The following RNF222 variants were observed in gnomAD, a reference collection of about 807,000 sequenced individuals.
RNF222 encodes the protein RING finger protein LOC643904.
In RNF222, 14 loss-of-function variants were observed where a neutral mutation model predicts 10.8. That is an observed-to-expected ratio of 1.30 (90% CI 0.86 to 2.03). The LOEUF (loss-of-function observed/expected upper bound fraction) is 2.03, where lower values mean the gene tolerates loss of function less well. RNF222 is among the 30% of genes most tolerant of loss of function. The probability of loss-of-function intolerance (pLI) is 0.00; values close to 1 mark genes in which losing one functional copy is unlikely to be tolerated. For missense variants in RNF222, 298 were observed against 295.8 expected (o/e 1.01, Z -0.06); for synonymous variants, 141 against 142.5 (o/e 0.99, Z 0.07).
At position 8,392,975 on chromosome 17, in the gene RNF222, CCTG is replaced by C; in HGVS notation, c.484_486del (p.Gln162del). Reference sequence around the variant, plus strand: ...AGGCTGCGGCGGGGCAGCACGCTGTCCTGCTCCCCCAGGGGCATCCCGTGGCGG... The same window carrying C: ...AGGCTGCGGCGGGGCAGCACGCTGTCCTCCCCCAGGGGCATCCCGTGGCGG... On this transcript the variant is annotated inframe_deletion, in exon 3 of 3. Coordinates refer to ENST00000399398, the MANE Select transcript of RNF222 (RefSeq NM_001146684.3). This position sits in a 1 kb window ranked among gnomAD's most constrained non-coding sequence, Gnocchi z 4.3. 2.0e-6 allele frequency: 3 copies of C among 1,508,362 alleles called. No homozygotes were observed. Among genetic ancestry groups the C allele is most frequent in the Non-Finnish European group, 2.6e-6 (3 of 1,134,604 alleles). 93.4% of individuals were successfully genotyped at this position (1,508,362 alleles called of 1,614,324 possible).
chr17:8,395,125 A>G lies in RNF222; in HGVS notation c.-177-796T>C, dbSNP rs112317192. 7.0e-4 allele frequency among the ~76,000 whole-genome samples: 107 copies of G among 152,340 alleles called. 2 individuals carry two copies. Among genetic ancestry groups the G allele is most frequent in the African/African-American group, 2.5e-3 (104 of 41,582 alleles). On this transcript the variant is annotated intron_variant, in intron 1 of 2. Coordinates refer to ENST00000399398, the MANE Select transcript of RNF222 (RefSeq NM_001146684.3). ...TCCCTCCCTCTCTTGGCTTGGCTCC[A>G]AATCTATTTTGCCGAGTTGAAAATG... is the stretch of plus-strand genomic sequence containing the variant.
chr17:8,395,520 C>T (rs560850795), intron 1 of RNF222, among the ~76,000 whole-genome samples: 72 of 152,314 alleles, frequency 4.7e-4, no homozygotes, highest in African/African-American at 1.7e-3. Flanking sequence ...CCTGTCCCCT[C>T]TTCTCCCAAA....
chr17:8,393,643 C>A lies in RNF222; in HGVS notation c.-25-157G>T, dbSNP rs527567632. On this transcript the variant is annotated intron_variant, in intron 2 of 2. Coordinates refer to ENST00000399398, the MANE Select transcript of RNF222 (RefSeq NM_001146684.3). ...TACTCTTGGCTCTTCTGCTGCTCCTCCTCTATGGCCCACCTGACTCAAACC... is the reference window on the plus strand; with the variant it reads ...TACTCTTGGCTCTTCTGCTGCTCCTACTCTATGGCCCACCTGACTCAAACC... 9.8e-5 allele frequency among the ~76,000 whole-genome samples: 15 copies of A among 152,286 alleles called. No homozygotes were observed. In the South Asian group the frequency reaches 2.3e-3, roughly 23 times the overall value.
chr17:8,391,469 C>T lies in RNF222; in HGVS notation c.*1330G>A, dbSNP rs62064336. 24,563 of 152,000 alleles carry T rather than the reference C, an allele frequency of 0.16. 2,127 individuals are homozygous for T. Among genetic ancestry groups the T allele is most frequent in the Middle Eastern group, 0.22 (66 of 296 alleles). The allele number at this position is 152,000 out of a possible 1,614,324, so 9.4% of individuals were successfully genotyped here. On this transcript the variant is annotated 3_prime_UTR_variant, in exon 3 of 3. Coordinates refer to ENST00000399398, the MANE Select transcript of RNF222 (RefSeq NM_001146684.3). The stretch of plus-strand genomic sequence containing the variant: ...GCAGGCATTTAGGAACTAGATAAAA[C>T]GTAGACTGCTATTTCTTCCCTCCCC...
chr17:8,396,687 C>G (rs996709424), intron 1 of RNF222, among the ~76,000 whole-genome samples: 1 of 152,112 alleles, frequency 6.6e-6, no homozygotes, highest in South Asian at 2.1e-4. Context: ...AGAGCCACGC[C>G]GTCAACACCT....
Position 8,393,458 on chromosome 17 carries a change from A to T in RNF222, c.4T>A (p.Ser2Thr). The change falls in exon 3 of 3, where the codon TCA becomes ACA. Residue 2 changes from serine to threonine, a missense_variant. Coordinates refer to ENST00000399398, the MANE Select transcript of RNF222 (RefSeq NM_001146684.3). The stretch of plus-strand genomic sequence containing the variant: ...GAGCTGTCCTTGCTCTCCCCTTCTG[A>T]CATGGCCACTGGGAGATGGCACGCT... M[S>T]EGESKDSSGS... The T allele has an allele frequency of 6.5e-7, 1 of 1,547,568 alleles. No homozygotes were observed. The highest frequency in any genetic ancestry group is 8.7e-7 in the Non-Finnish European group (1 of 1,144,980).
intron 1 of RNF222, among the ~76,000 whole-genome samples, chr17:8,394,574 A>G (rs577403839): frequency 6.6e-6 from 1 of 152,020 alleles, no homozygotes; most frequent in African/African-American, 2.4e-5. Flanking sequence ...AATAGCTGGC[A>G]TTACAGGTGC....
rs1301487014 is a variant in RNF222, at chr17:8,395,405, C to G, written c.-177-1076G>C. Reference sequence around the variant, plus strand: ...AATTGATAATAATGGTATCATCTTCCTCGGAGAGTTGTTGGGGGAATTAAG... The same window carrying G: ...AATTGATAATAATGGTATCATCTTCGTCGGAGAGTTGTTGGGGGAATTAAG... On this transcript the variant is annotated intron_variant, in intron 1 of 2. Transcript: ENST00000399398. Among the ~76,000 whole-genome samples the G allele has an allele frequency of 2.0e-5, 3 of 152,292 alleles. No homozygotes were observed. The South Asian group carries it at 6.2e-4, about 32-fold the overall frequency.
At chr17:8,396,674 C>T (rs768859660) in intron 1 of RNF222, among the ~76,000 whole-genome samples, 28 of 152,204 alleles carry the variant, frequency 1.8e-4, no homozygotes, top group Non-Finnish European at 2.2e-4. Context: ...CCCGTGCTTC[C>T]GGAGAGCCAC....
At chr17:8,395,568 C>T (rs75923672) in intron 1 of RNF222, among the ~76,000 whole-genome samples, 1,564 of 152,278 alleles carry the variant, frequency 0.01, 34 homozygotes, top group African/African-American at 0.036. Flanking sequence ...CTTGAGGCAG[C>T]CACAGCATTT....
chr17:8,395,385 A>G (rs541608212), intron 1 of RNF222, among the ~76,000 whole-genome samples: 18 of 152,234 alleles, frequency 1.2e-4, no homozygotes, highest in Non-Finnish European at 2.4e-4. Flanking sequence ...GATGAAATTG[A>G]TAATAATGGT....
intron 2 of RNF222, 43 bp downstream of exon 2, chr17:8,394,135 C>T (rs1458541592): frequency 6.6e-6 from 1 of 152,270 alleles, no homozygotes; most frequent in African/African-American, 2.4e-5. Flanking sequence ...CCTGCTGGCC[C>T]TCCACATAGT....
chr17:8,395,923 T>G (rs1316260976), intron 1 of RNF222, among the ~76,000 whole-genome samples: 1 of 152,200 alleles, frequency 6.6e-6, no homozygotes, highest in Non-Finnish European at 1.5e-5. Context: ...CATCCATCCA[T>G]CTGTCTAATT....
chr17:8,393,373 G>C lies in RNF222; in HGVS notation c.89C>G (p.Thr30Arg), dbSNP rs531758073. 7 of 1,551,552 alleles carry C rather than the reference G, an allele frequency of 4.5e-6. No individual in the cohort carries two copies. The African/African-American group carries it at 9.6e-5, about 21-fold the overall frequency. ...GCAGAACACATGGCCACAGCTCAGC[G>C]TCCGGCTGGCGCCCTCCAGGTCCCG... ...KFRDLEGASR[T>R]LSCGHVFCHD... is the part of the protein sequence containing the mutation. The change falls in exon 3 of 3, where the codon ACG becomes AGG. Residue 30 changes from threonine (T) to arginine (R), a missense_variant. Transcript: ENST00000399398.
In RNF222 at chr17:8,393,627, C is replaced by T. The variant is rs1907945462; in HGVS notation, c.-25-141G>A. ...TCCTCTCTCTTCCTCCTACTCTTGG[C>T]TCTTCTGCTGCTCCTCCTCTATGGC... is the stretch of plus-strand genomic sequence containing the variant. On this transcript the variant is annotated intron_variant, in intron 2 of 2. Transcript: ENST00000399398. 3.3e-6 allele frequency: 4 copies of T among 1,229,444 alleles called. No individual in the cohort carries two copies. The East Asian group carries it at 1.0e-4, about 32-fold the overall frequency. 76.2% of individuals were successfully genotyped at this position (1,229,444 alleles called of 1,614,324 possible). A position where few individuals can be genotyped will look rare whatever the true frequency, so the allele number is the denominator to read the frequency against.
chr17:8,393,059 G>C lies in RNF222; in HGVS notation c.403C>G (p.Leu135Val). Reference sequence around the variant, plus strand: ...AGGCTGGGCAGCAGGTCCAGGGGGAGCTGGGCGCTCTGGCCCGGGCTGCCT... The same window carrying C: ...AGGCTGGGCAGCAGGTCCAGGGGGACCTGGGCGCTCTGGCCCGGGCTGCCT... The part of the protein sequence containing the change: ...PPGSPGQSAQ[L>V]PLDLLPSLPR... Residue 135 changes from leucine (L) to valine (V), a missense_variant, in exon 3 of 3, where the codon CTC becomes GTC. Coordinates refer to ENST00000399398, the MANE Select transcript of RNF222 (RefSeq NM_001146684.3). 6.7e-7 allele frequency: 1 copy of C among 1,495,162 alleles called. No individual in the cohort carries two copies. The highest frequency in any genetic ancestry group is 1.3e-5 in the South Asian group (1 of 75,904). The allele number at this position is 1,495,162 out of a possible 1,614,324, so 92.6% of individuals were successfully genotyped here. A position where few individuals can be genotyped will look rare whatever the true frequency, so the allele number is the denominator to read the frequency against.
At chr17:8,397,022 A>G (rs544748763) in intron 1 of RNF222, among the ~76,000 whole-genome samples, 52 of 152,200 alleles carry the variant, frequency 3.4e-4, no homozygotes, top group African/African-American at 1.0e-3. Context: ...CTAATAATAA[A>G]TAATTATTAT....
intron 2 of RNF222, 85 bp from the exon 3 acceptor site, chr17:8,393,571 T>G: frequency 6.9e-7 from 1 of 1,447,672 alleles, no homozygotes; most frequent in Non-Finnish European, 9.1e-7. Context: ...CTGCCTCCAC[T>G]GCCCCTTATC....
At position 8,391,526 on chromosome 17, in the gene RNF222, G is replaced by A. The variant is rs1403082969; in HGVS notation, c.*1273C>T. 2 of 146,748 alleles carry A rather than the reference G, an allele frequency of 1.4e-5. No homozygotes were observed. The highest frequency in any genetic ancestry group is 5.1e-5 in the African/African-American group (2 of 39,306). The allele number at this position is 146,748 out of a possible 1,614,324, so 9.1% of individuals were successfully genotyped here. A position where few individuals can be genotyped will look rare whatever the true frequency, so the allele number is the denominator to read the frequency against. ...ACAGCAAATTGCCCAGAGGGGTATAGGTTGAGGGAGGTTGGGGGCTCAGCT... is the reference window on the plus strand; with the variant it reads ...ACAGCAAATTGCCCAGAGGGGTATAAGTTGAGGGAGGTTGGGGGCTCAGCT... On this transcript the variant is annotated 3_prime_UTR_variant, in exon 3 of 3. Coordinates refer to ENST00000399398, the MANE Select transcript of RNF222 (RefSeq NM_001146684.3).
Sources: allele counts gnomAD v4.1 joint callset (sites outside exome capture counted in the v4.1 genomes callset), GRCh38; gene constraint gnomAD v4.1.1; non-coding constraint Gnocchi (gnomAD v3.1); transcripts MANE v1.5; gene names NCBI Gene and HGNC (gene_info 2026-07-23, HGNC 2026-07-21).